The following ITPK1 variants were observed in gnomAD, a reference collection of about 807,000 sequenced individuals.
ITPK1 encodes the protein inositol 1,3,4-trisphosphate 5/6-kinase.
Under a neutral mutation model 45.3 loss-of-function variants are expected in ITPK1, and 21 were observed. The ratio of observed to expected loss-of-function variants is 0.46; its 90% CI spans 0.33 to 0.67. The LOEUF (loss-of-function observed/expected upper bound fraction) is 0.67, where lower values mean the gene tolerates loss of function less well. ITPK1 is among the 30% of genes least tolerant of loss of function. ITPK1 has a pLI of 0.02. For synonymous variants in ITPK1, 258 were observed against 253.6 expected (o/e 1.02, Z -0.16); for missense variants, 474 against 573.5 (o/e 0.83, Z 1.77).
Position 92,940,751 on chromosome 14 carries a change from G to T in ITPK1, c.*810C>A. On this transcript the variant is annotated 3_prime_UTR_variant, in exon 11 of 11. Transcript: ENST00000267615. ...GAGGCCCAAAGACCTGGAATGATTT[G>T]CCCAAATCACAGCACAAATCCTCAG... is the stretch of plus-strand genomic sequence containing the variant. 7.8e-7 allele frequency: 1 copy of T among 1,289,170 alleles called. No individual in the cohort carries two copies. Among genetic ancestry groups the T allele is most frequent in the African/African-American group, 1.5e-5 (1 of 65,988 alleles). The allele number at this position is 1,289,170 out of a possible 1,614,324, so 79.9% of individuals were successfully genotyped here.
chr14:92,941,896 C>T lies in ITPK1; in HGVS notation c.910G>A (p.Gly304Ser). ...AGGTCTGTGAAGAACTCGCTCACGC[C>T]CTCGTAGCCTGGGGGTGGGAGAGAG... ...IDINAFPGYE[G>S]VSEFFTDLLN... Residue 304 changes from glycine (G) to serine (S), a missense_variant, in exon 11 of 11, where the codon GGC becomes AGC. Physicochemically the swap from Gly to Ser is moderately conservative, Grantham distance 56. Coordinates refer to ENST00000267615, the MANE Select transcript of ITPK1 (RefSeq NM_014216.6). The T allele has an allele frequency of 6.2e-7, 1 of 1,611,726 alleles. No individual in the cohort carries two copies. The highest frequency in any genetic ancestry group is 8.5e-7 in the Non-Finnish European group (1 of 1,179,686).
At position 92,993,002 on chromosome 14, in the gene ITPK1, G is replaced by A. The variant is rs147932348; in HGVS notation, c.364+878C>T. On this transcript the variant is annotated intron_variant, in intron 5 of 10. Transcript: ENST00000267615. ...AGATGGTCTGCCTCTGGAGCTGTGA[G>A]CCAAATGGTACCCACTGGTCCCACC... Among the ~76,000 whole-genome samples, 139 of 152,364 alleles carry A rather than the reference G, an allele frequency of 9.1e-4. No homozygotes were observed. The Middle Eastern group carries it at 0.01, about 11-fold the overall frequency.
chr14:92,942,724 G>T (rs1349905083), intron 10 of ITPK1, among the ~76,000 whole-genome samples: 1 of 152,230 alleles, frequency 6.6e-6, no homozygotes, highest in Non-Finnish European at 1.5e-5. Flanking sequence ...TAACACAGTT[G>T]CGAACATCAG....
intron 3 of ITPK1, among the ~76,000 whole-genome samples, chr14:93,052,399 C>T (rs938000341): frequency 1.3e-5 from 2 of 152,172 alleles, no homozygotes; most frequent in Admixed American, 6.5e-5. Flanking sequence ...GCATCTAGGG[C>T]GGCCTGTTGT....
intron 9 of ITPK1, 69 bp downstream of exon 9, chr14:92,951,877 C>T (rs1887968748): frequency 3.9e-6 from 5 of 1,278,422 alleles, no homozygotes; most frequent in Non-Finnish European, 5.6e-6. Context: ...ACCCCATGGC[C>T]ACAGCAGCCC....
At chr14:92,968,504 G>C (rs1885490266) in intron 5 of ITPK1, among the ~76,000 whole-genome samples, 1 of 152,026 alleles carries the variant, frequency 6.6e-6, no homozygotes, top group Admixed American at 6.6e-5. Context: ...CACGCATTGA[G>C]TCTTGTTCCT....
intron 4 of ITPK1, among the ~76,000 whole-genome samples, chr14:93,002,483 G>C (rs1279195974): frequency 1.3e-5 from 2 of 152,146 alleles, no homozygotes; most frequent in Non-Finnish European, 2.9e-5. Flanking sequence ...AAGACCCAAG[G>C]CATGGAAGGC....
chr14:92,946,008 T>G (rs1049827979), intron 10 of ITPK1, among the ~76,000 whole-genome samples: 2 of 152,160 alleles, frequency 1.3e-5, no homozygotes, highest in African/African-American at 4.8e-5. Context: ...TCAAGGTCCT[T>G]CCTGCTCCTT....
chr14:92,962,217 G>C, intron 7 of ITPK1, 138 bp downstream of exon 7: 1 of 731,594 alleles, frequency 1.4e-6, no homozygotes, highest in Non-Finnish European at 2.5e-6. Context: ...GGGAAGGGAA[G>C]GAGGCTATCT....
chr14:92,964,472 G>A (rs1271446275), intron 5 of ITPK1, among the ~76,000 whole-genome samples: 1 of 152,236 alleles, frequency 6.6e-6, no homozygotes, highest in Admixed American at 6.5e-5. Flanking sequence ...GGCAGGGCGG[G>A]AATGCTGTGA....
chr14:93,002,644 T>A (rs1052600570), intron 4 of ITPK1, among the ~76,000 whole-genome samples: 1 of 151,930 alleles, frequency 6.6e-6, no homozygotes, highest in African/African-American at 2.4e-5. Context: ...CCATTTGGGG[T>A]CTGCATGAGG....
chr14:93,099,717 C>T (rs1044141137), intron 2 of ITPK1, among the ~76,000 whole-genome samples: 6 of 152,164 alleles, frequency 3.9e-5, no homozygotes, highest in Non-Finnish European at 7.4e-5. Flanking sequence ...AGGGAGGCCC[C>T]GAGCAGCCTC....
intron 2 of ITPK1, among the ~76,000 whole-genome samples, chr14:93,088,813 G>A (rs1891756678): frequency 6.6e-6 from 1 of 152,160 alleles, no homozygotes; most frequent in Admixed American, 6.5e-5. Context: ...CTCTTTTCAA[G>A]TGGGGAAATT....
chr14:93,105,064 A>C (rs1371849969), intron 2 of ITPK1, among the ~76,000 whole-genome samples: 2 of 152,208 alleles, frequency 1.3e-5, no homozygotes, highest in Non-Finnish European at 2.9e-5. Context: ...GCTTCTTTTG[A>C]GAAGGAATTT....
At chr14:93,009,682 G>C (rs903604596) in intron 4 of ITPK1, among the ~76,000 whole-genome samples, 2 of 152,150 alleles carry the variant, frequency 1.3e-5, no homozygotes, top group Non-Finnish European at 2.9e-5. Context: ...AGCAACCCCA[G>C]AACAGGACAT....
At chr14:92,951,216 C>T (rs1887939351) in intron 9 of ITPK1, among the ~76,000 whole-genome samples, 1 of 152,232 alleles carries the variant, frequency 6.6e-6, no homozygotes, top group Non-Finnish European at 1.5e-5. Context: ...CTCTGGACTT[C>T]GGGCAAACAG....
intron 3 of ITPK1, among the ~76,000 whole-genome samples, chr14:93,051,765 C>T (rs1890022534): frequency 6.6e-6 from 1 of 152,226 alleles, no homozygotes; most frequent in Non-Finnish European, 1.5e-5. Context: ...GGAAACCACC[C>T]TGTGCCTCCA....
In ITPK1 at chr14:92,965,863, C is replaced by T. The variant is rs931383153; in HGVS notation, c.365-3014G>A. On this transcript the variant is annotated intron_variant, in intron 5 of 10. Coordinates refer to ENST00000267615, the MANE Select transcript of ITPK1 (RefSeq NM_014216.6). ...TACTAAAAATACAAAATTAGCCAGG[C>T]GTGGTGGTGCACGCCTGTAATCCCA... Among the ~76,000 whole-genome samples, 23 of 152,084 alleles carry T rather than the reference C, an allele frequency of 1.5e-4. 1 individual carries two copies. The East Asian group carries it at 2.1e-3, about 14-fold the overall frequency.
chr14:93,008,513 G>T (rs1332879907), intron 4 of ITPK1, among the ~76,000 whole-genome samples: 1 of 152,258 alleles, frequency 6.6e-6, no homozygotes, highest in Non-Finnish European at 1.5e-5. Context: ...CAGATCCAGG[G>T]CTGGCTGCCA....
Sources: allele counts gnomAD v4.1 joint callset (sites outside exome capture counted in the v4.1 genomes callset), GRCh38; gene constraint gnomAD v4.1.1; transcripts MANE v1.5; gene names NCBI Gene and HGNC (gene_info 2026-07-23, HGNC 2026-07-21).